Variants in UNC13A observed in about 807,000 individuals in gnomAD.
UNC13A encodes the protein unc-13 homolog A, also known as protein unc-13 homolog A.
UNC13A carries 61 observed loss-of-function variants against 219.7 expected under a neutral mutation model. The observed-to-expected ratio is 0.28, with a 90% CI of 0.23 to 0.34. The LOEUF (loss-of-function observed/expected upper bound fraction) is 0.34. Among genes scored for constraint, UNC13A ranks in the 10% least tolerant of loss-of-function variants. The pLI is 1.00. For missense variants in UNC13A, 1,476 were observed against 2,270.3 expected (o/e 0.65, Z 7.11); for synonymous variants, 920 against 884.6 (o/e 1.04, Z -0.71).
chr19:17,608,334 CTATATATAATTT>C (rs1949283182), intron 43 of UNC13A, among the ~76,000 whole-genome samples: 1 of 121,472 alleles, frequency 8.2e-6, no homozygotes, highest in South Asian at 2.3e-4. Flanking sequence ...ATAATATATA[CTATATATAATTT>C]TATATATAAT....
intron 8 of UNC13A, among the ~76,000 whole-genome samples, chr19:17,660,112 G>C (rs1209044776): frequency 6.6e-6 from 1 of 151,964 alleles, no homozygotes; most frequent in Non-Finnish European, 1.5e-5. Context: ...ATATTGCCCA[G>C]GCTGATCTTG....
At chr19:17,644,205 G>C (rs1414967708) in intron 19 of UNC13A, among the ~76,000 whole-genome samples, 1 of 151,932 alleles carries the variant, frequency 6.6e-6, no homozygotes, top group Non-Finnish European at 1.5e-5. Context: ...GGGGGTCGGG[G>C]GGACACAGAG....
At chr19:17,646,913 T>G (rs35002349) in intron 17 of UNC13A, among the ~76,000 whole-genome samples, 27,547 of 152,066 alleles carry the variant, frequency 0.18, 2,542 homozygotes, top group Middle Eastern at 0.22. Context: ...CACAGCATTG[T>G]CTGCTCAACG....
In UNC13A at chr19:17,627,952, A is replaced by G; in HGVS notation, c.3754-12T>C. On this transcript the variant is annotated splice_polypyrimidine_tract_variant and intron_variant, in intron 31 of 43. Coordinates refer to ENST00000519716, the MANE Select transcript of UNC13A (RefSeq NM_001080421.3). This position sits in a 1 kb window ranked among gnomAD's most constrained non-coding sequence, Gnocchi z 4.7. Reference sequence around the variant, plus strand: ...ATGAGAATGCAGGGCTGTGGGTGGGAACAGAGAGGGGAGTCAAGCCTCAGG... The same window carrying G: ...ATGAGAATGCAGGGCTGTGGGTGGGGACAGAGAGGGGAGTCAAGCCTCAGG... 6.3e-7 allele frequency: 1 copy of G among 1,582,968 alleles called. No individual in the cohort carries two copies. The highest frequency in any genetic ancestry group is 1.1e-5 in the South Asian group (1 of 88,656).
chr19:17,666,589 T>G, intron 7 of UNC13A, 61 bp downstream of exon 7: 2 of 1,302,496 alleles, frequency 1.5e-6, no homozygotes, highest in Non-Finnish European at 2.0e-6. Flanking sequence ...AGGACAGTCA[T>G]GGGGTAGGGG....
In UNC13A at chr19:17,629,285, G is replaced by A. The variant is rs1315951350; in HGVS notation, c.3708C>T (p.Ile1236=). ...SNVLLQYADI[I]SKDFASYCSK... ...AGCAGTAGGAGGCAAAGTCCTTGGA[G>A]ATGATGTCTGCATACTGGAGGAGCA... The change falls in exon 31 of 44, where the codon ATC becomes ATT. Residue 1236 remains isoleucine (I), a synonymous_variant. Coordinates refer to ENST00000519716, the MANE Select transcript of UNC13A (RefSeq NM_001080421.3). The A allele has an allele frequency of 3.1e-6, 5 of 1,612,474 alleles. No homozygotes were observed. The South Asian group carries it at 3.3e-5, about 11-fold the overall frequency.
intron 4 of UNC13A, among the ~76,000 whole-genome samples, chr19:17,671,021 T>C (rs184294268): frequency 3.3e-5 from 5 of 152,274 alleles, no homozygotes; most frequent in Non-Finnish European, 2.9e-5. Flanking sequence ...CTGGTTCATA[T>C]TGGGTGATGC....
chr19:17,687,099 C>T (rs1181708647), intron 1 of UNC13A, among the ~76,000 whole-genome samples: 1 of 152,216 alleles, frequency 6.6e-6, no homozygotes, highest in Non-Finnish European at 1.5e-5. Context: ...CGCCCAAGGT[C>T]TCCCAGAGTT....
intron 1 of UNC13A, 31 bp from the exon 2 acceptor site, chr19:17,676,072 G>A (rs1039106985): frequency 6.4e-7 from 1 of 1,551,294 alleles, no homozygotes; most frequent in East Asian, 2.4e-5. Flanking sequence ...AGGGAAGGGA[G>A]GTGGGGAGAG....
intron 28 of UNC13A, 31 bp downstream of exon 28, chr19:17,632,751 G>C: frequency 1.9e-6 from 3 of 1,613,188 alleles, no homozygotes; most frequent in Non-Finnish European, 1.7e-6. Flanking sequence ...TACAGTTCTG[G>C]CTTGGGTTGG....
intron 1 of UNC13A, among the ~76,000 whole-genome samples, chr19:17,677,344 CTTTCTTTCT>C (rs1243939471): frequency 6.7e-6 from 1 of 149,546 alleles, no homozygotes; most frequent in Non-Finnish European, 1.5e-5. Context: ...CCTCCCTTTC[CTTTCTTTCT>C]TTTCTTTTTT....
At chr19:17,666,027 T>C (rs1413169332) in intron 7 of UNC13A, among the ~76,000 whole-genome samples, 1 of 36,408 alleles carries the variant, frequency 2.7e-5, no homozygotes, top group Non-Finnish European at 6.6e-5. Flanking sequence ...TTCTTCCTTC[T>C]TGTCTTTCAT....
At chr19:17,652,757 C>G (rs889835643) in intron 11 of UNC13A, 80 bp from the exon 12 acceptor site, 1 of 1,544,712 alleles carries the variant, frequency 6.5e-7, no homozygotes, top group South Asian at 1.1e-5. Context: ...ACTTCTGACT[C>G]CCCTCTGGGC....
In UNC13A at chr19:17,674,242, G is replaced by A. The variant is rs1446348335; in HGVS notation, c.152+415C>T. On this transcript the variant is annotated intron_variant, in intron 3 of 43. Coordinates refer to ENST00000519716, the MANE Select transcript of UNC13A (RefSeq NM_001080421.3). This position sits in a 1 kb window ranked among gnomAD's most constrained non-coding sequence, Gnocchi z 5.0. The stretch of plus-strand genomic sequence containing the variant: ...GGCAGAGGTGGGTGTGGCTGGGGCA[G>A]GTGAGGGAGATAGAGCGAGAACCTG... Among the ~76,000 whole-genome samples the A allele has an allele frequency of 6.6e-6, 1 of 152,232 alleles. No homozygotes were observed. The highest frequency in any genetic ancestry group is 1.5e-5 in the Non-Finnish European group (1 of 68,050).
intron 7 of UNC13A, among the ~76,000 whole-genome samples, chr19:17,664,912 A>G (rs989680072): frequency 3.3e-5 from 5 of 152,162 alleles, no homozygotes; most frequent in Non-Finnish European, 5.9e-5. Flanking sequence ...AAGCAAATGG[A>G]AAAGGTGCCA....
At chr19:17,618,256 A>G (rs2076689622) in intron 40 of UNC13A, among the ~76,000 whole-genome samples, 165 bp downstream of exon 40, 1 of 152,224 alleles carries the variant, frequency 6.6e-6, no homozygotes, top group Non-Finnish European at 1.5e-5. Flanking sequence ...GGGCTCCTTA[A>G]GGCTCCAGCA....
intron 41 of UNC13A, 58 bp downstream of exon 41, chr19:17,617,644 T>C (rs1382174074): frequency 6.3e-7 from 1 of 1,596,028 alleles, no homozygotes; most frequent in African/African-American, 1.3e-5. Flanking sequence ...CCGTTCAGGC[T>C]TGGGGCGGGG....
At chr19:17,678,873 G>T (rs1254258280) in intron 1 of UNC13A, among the ~76,000 whole-genome samples, 1 of 152,132 alleles carries the variant, frequency 6.6e-6, no homozygotes, top group African/African-American at 2.4e-5. Context: ...CTCATACAGG[G>T]AGAGGAAGGG....
At chr19:17,635,982 CG>C in intron 26 of UNC13A, 41 bp downstream of exon 26, 1 of 1,582,058 alleles carries the variant, frequency 6.3e-7, no homozygotes, top group East Asian at 2.3e-5. Flanking sequence ...TACATACACA[CG>C]ATGACACCCA....
Sources: allele counts gnomAD v4.1 joint callset (sites outside exome capture counted in the v4.1 genomes callset), GRCh38; gene constraint gnomAD v4.1.1; non-coding constraint Gnocchi (gnomAD v3.1); transcripts MANE v1.5; gene names NCBI Gene and HGNC (gene_info 2026-07-23, HGNC 2026-07-21).